DMD: variants seen among roughly 807,000 people sequenced by gnomAD.
The protein encoded by DMD is dystrophin, also known as mutant dystrophin.
DMD carries 63 observed loss-of-function variants against 330.1 expected under a neutral mutation model. That is an observed-to-expected ratio of 0.19 (90% CI 0.16 to 0.24). DMD has a LOEUF of 0.24. Ranked by LOEUF, DMD falls within the 10% of genes least tolerant of loss-of-function variation. The probability of loss-of-function intolerance (pLI) is 1.00; values close to 1 mark genes in which losing one functional copy is unlikely to be tolerated. For missense variants in DMD, 3,344 were observed against 2,684.1 expected (o/e 1.25, Z -5.43); for synonymous variants, 1,223 against 959.8 (o/e 1.27, Z -5.07).
intron 61 of DMD, among the ~76,000 whole-genome samples, chrX:31,332,809 G>A (rs1330072184): frequency 1.8e-5 from 2 of 111,697 alleles, no homozygotes; most frequent in Admixed American, 1.9e-4. Context: ...CAGAGCGCTC[G>A]ATACTTTTTA....
intron 47 of DMD, among the ~76,000 whole-genome samples, chrX:31,925,752 A>G (rs1428781033): frequency 2.7e-5 from 3 of 109,195 alleles, no homozygotes; most frequent in Admixed American, 9.9e-5. Context: ...CATGCCTGTA[A>G]TCCCAGCTAC....
chrX:33,067,451 A>G (rs1461568992), intron 1 of DMD, among the ~76,000 whole-genome samples: 1 of 112,780 alleles, frequency 8.9e-6, no homozygotes, highest in Non-Finnish European at 1.9e-5. Context: ...TTCTTAGAAT[A>G]TGGCTAAGGA....
At chrX:32,916,251 C>A (rs1431284906) in intron 2 of DMD, among the ~76,000 whole-genome samples, 1 of 111,372 alleles carries the variant, frequency 9.0e-6, no homozygotes, top group African/African-American at 3.3e-5. Context: ...TGAACTATTT[C>A]TATTAACACA....
At chrX:31,496,462 G>A (rs1181828835) in intron 57 of DMD, among the ~76,000 whole-genome samples, 1 of 112,118 alleles carries the variant, frequency 8.9e-6, no homozygotes, top group African/African-American at 3.2e-5. Context: ...AAGATCTGAC[G>A]TGATTTGATA....
intron 44 of DMD, among the ~76,000 whole-genome samples, chrX:32,143,752 G>T (rs950115241): frequency 3.8e-5 from 4 of 106,228 alleles, no homozygotes; most frequent in Non-Finnish European, 5.8e-5. Context: ...AGGTTTCACC[G>T]TGTTAGCCAG....
chrX:33,072,794 C>T (rs182147355), intron 1 of DMD, among the ~76,000 whole-genome samples: 127 of 111,431 alleles, frequency 1.1e-3, no homozygotes, highest in African/African-American at 3.9e-3. Flanking sequence ...AGTTCTCATA[C>T]CAGCTTTTAT....
At chrX:31,346,544 T>C (rs1317419671) in intron 61 of DMD, among the ~76,000 whole-genome samples, 1 of 111,378 alleles carries the variant, frequency 9.0e-6, no homozygotes, top group African/African-American at 3.3e-5. Context: ...TTAACATTAA[T>C]CAGAGGAAAA....
In DMD at chrX:31,204,026, A is replaced by G. The variant is rs2043797333; in HGVS notation, c.9742T>C (p.Leu3248=). The change falls in exon 67 of 79, where the codon TTG becomes CTG. Residue 3248 remains leucine, a synonymous_variant. Coordinates refer to ENST00000357033, the MANE Select transcript of DMD (RefSeq NM_004006.3). ...CCCCCAAAGGATGCAACTTCACCCA[A>G]CTGTCTTGGAATTTGGATAGAATCA... ...LHDSIQIPRQ[L]GEVASFGGSN... The G allele has an allele frequency of 3.3e-6, 4 of 1,210,699 alleles. No homozygotes were observed. In the East Asian group the frequency reaches 8.9e-5, roughly 27 times the overall value.
At chrX:33,068,603 G>T (rs186054963) in intron 1 of DMD, among the ~76,000 whole-genome samples, 1 of 112,445 alleles carries the variant, frequency 8.9e-6, no homozygotes, top group East Asian at 2.8e-4. Context: ...TTCCGTGTGA[G>T]TTCTATCTAT....
intron 60 of DMD, among the ~76,000 whole-genome samples, chrX:31,370,411 A>G (rs1047923894): frequency 1.8e-5 from 2 of 112,234 alleles, no homozygotes; most frequent in Non-Finnish European, 3.8e-5. Context: ...GAGGATATAC[A>G]TATGGCAAAC....
At chrX:32,517,357 C>T (rs1381970294) in intron 18 of DMD, 1 of 111,890 alleles carries the variant, frequency 8.9e-6, no homozygotes, top group African/African-American at 3.2e-5. Context: ...GACAATTTCC[C>T]TAAAGATGAA....
chrX:33,155,237 C>A (rs779861673), intron 1 of DMD, among the ~76,000 whole-genome samples: 22 of 111,338 alleles, frequency 2.0e-4, no homozygotes, highest in Non-Finnish European at 3.8e-4. Flanking sequence ...CCTTCCCCTT[C>A]AGTTGACCCA....
chrX:32,618,809 C>T (rs772313568), intron 11 of DMD, among the ~76,000 whole-genome samples: 7 of 110,648 alleles, frequency 6.3e-5, no homozygotes, highest in Admixed American at 9.6e-5. Context: ...TACGTACCTG[C>T]AAAAGTTAAA....
intron 34 of DMD, among the ~76,000 whole-genome samples, chrX:32,375,553 C>G (rs2097898807): frequency 1.8e-5 from 2 of 111,740 alleles, no homozygotes; most frequent in African/African-American, 3.3e-5. Flanking sequence ...AGAAAGTATA[C>G]CAAATGTAAT....
At chrX:32,001,717 T>C (rs1378091312) in intron 44 of DMD, among the ~76,000 whole-genome samples, 1 of 111,771 alleles carries the variant, frequency 8.9e-6, no homozygotes, top group Admixed American at 9.5e-5. Flanking sequence ...ATTGAGTGCC[T>C]ATTCATGAAG....
At chrX:31,467,275 C>T (rs1012883929) in intron 59 of DMD, among the ~76,000 whole-genome samples, 12 of 111,486 alleles carry the variant, frequency 1.1e-4, no homozygotes, top group African/African-American at 3.9e-4. Context: ...AGCTTTTGCC[C>T]ATTCAGTATG....
intron 43 of DMD, among the ~76,000 whole-genome samples, chrX:32,275,088 G>C (rs2097380717): frequency 8.9e-6 from 1 of 111,743 alleles, no homozygotes. Context: ...ATTTACAATA[G>C]CTAGGGATTA....
At chrX:32,458,616 A>G (rs1262082822) in intron 25 of DMD, among the ~76,000 whole-genome samples, 1 of 111,503 alleles carries the variant, frequency 9.0e-6, no homozygotes, top group East Asian at 2.8e-4. Context: ...AACCAACACC[A>G]TAAAAGAATT....
intron 25 of DMD, among the ~76,000 whole-genome samples, chrX:32,456,618 ATGTGTGTGTG>A (rs776009074): frequency 1.4e-5 from 1 of 69,384 alleles, no homozygotes; most frequent in African/African-American, 5.8e-5. Context: ...GTGTGTGTGT[ATGTGTGTGTG>A]TGTGTGCACG....
Sources: gnomAD v4.1 joint callset for allele counts (sites outside exome capture counted in the v4.1 genomes callset) on GRCh38, gnomAD v4.1.1 for gene constraint, MANE v1.5 for transcripts, NCBI Gene and HGNC (gene_info 2026-07-23, HGNC 2026-07-21) for gene names.